The following LIMS1 variants were observed in gnomAD, a reference collection of about 807,000 sequenced individuals.
The protein encoded by LIMS1 is LIM and senescent cell antigen-like-containing domain protein 1.
LIMS1 carries 18 observed loss-of-function variants against 44.1 expected under a neutral mutation model. The ratio of observed to expected loss-of-function variants is 0.41; its 90% CI spans 0.28 to 0.61. The LOEUF is 0.61. Among genes scored for constraint, LIMS1 ranks in the 20% least tolerant of loss-of-function variants. The probability of loss-of-function intolerance (pLI) is 0.32; values close to 1 mark genes in which losing one functional copy is unlikely to be tolerated. For synonymous variants in LIMS1, 93 were observed against 149.1 expected (o/e 0.62, Z 2.74); for missense variants, 201 against 422.0 (o/e 0.48, Z 4.59).
At chr2:108,558,459 T>G (rs1403373264) in intron 1 of LIMS1, among the ~76,000 whole-genome samples, 2 of 152,008 alleles carry the variant, frequency 1.3e-5, no homozygotes, top group Non-Finnish European at 2.9e-5. Flanking sequence ...TCCGCCTGCC[T>G]CAGCCTCCCA....
intron 7 of LIMS1, 113 bp from the exon 8 acceptor site, chr2:108,677,866 A>G: frequency 6.7e-7 from 1 of 1,500,400 alleles, no homozygotes; most frequent in Non-Finnish European, 8.9e-7. Context: ...ACTTTTACTA[A>G]ATTTCTCTAG....
chr2:108,584,936 G>A (rs1276558432), intron 1 of LIMS1, among the ~76,000 whole-genome samples: 1 of 152,036 alleles, frequency 6.6e-6, no homozygotes, highest in Non-Finnish European at 1.5e-5. Context: ...CAGATCATTT[G>A]AGGTCAGGAG....
chr2:108,556,404 T>A (rs190713522), intron 1 of LIMS1, among the ~76,000 whole-genome samples: 1 of 152,354 alleles, frequency 6.6e-6, no homozygotes, highest in East Asian at 1.9e-4. Flanking sequence ...TTATGAACAC[T>A]TGAGTACTGT....
intron 1 of LIMS1, among the ~76,000 whole-genome samples, chr2:108,578,587 A>ATTTTTTTTTTTTTTTTTTTTT (rs575139291): frequency 2.0e-5 from 2 of 100,792 alleles, no homozygotes; most frequent in Non-Finnish European, 3.9e-5. Context: ...AATGTAAATA[A>ATTTTTTTTTTTTTTTTTTTTT]TTTTTTTTTT....
intron 1 of LIMS1, among the ~76,000 whole-genome samples, chr2:108,558,226 T>TC (rs1027086476): frequency 1.1e-4 from 17 of 151,924 alleles, no homozygotes; most frequent in African/African-American, 4.1e-4. Context: ...TTTTTTCTTT[T>TC]TTTTTTTTTG....
At chr2:108,631,138 T>G (rs1350965085) in intron 1 of LIMS1, among the ~76,000 whole-genome samples, 1 of 152,240 alleles carries the variant, frequency 6.6e-6, no homozygotes, top group Non-Finnish European at 1.5e-5. Context: ...AGCCTCTGGC[T>G]TAAAGAATGG....
At chr2:108,675,853 A>G in intron 5 of LIMS1, 25 bp from the exon 6 acceptor site, 1 of 1,613,866 alleles carries the variant, frequency 6.2e-7, no homozygotes, top group Non-Finnish European at 8.5e-7. Context: ...CTTAGTATTA[A>G]GCTGTGTGTC....
intron 1 of LIMS1, among the ~76,000 whole-genome samples, chr2:108,627,986 G>A (rs1285250896): frequency 6.6e-6 from 1 of 152,228 alleles, no homozygotes; most frequent in African/African-American, 2.4e-5. Flanking sequence ...GACACCAGAA[G>A]TCAGAAACCA....
chr2:108,637,099 A>ATGTGTGTGTGTG (rs74315160), intron 1 of LIMS1, among the ~76,000 whole-genome samples: 113 of 98,592 alleles, frequency 1.1e-3, no homozygotes, highest in Middle Eastern at 4.5e-3. Flanking sequence ...ATATACATAT[A>ATGTGTGTGTGTG]TGTGTGTGTG....
intron 2 of LIMS1, among the ~76,000 whole-genome samples, chr2:108,669,342 A>T (rs1692004604): frequency 6.6e-6 from 1 of 152,070 alleles, no homozygotes; most frequent in South Asian, 2.1e-4. Context: ...CAAGAGGCAG[A>T]GGTTACAGTG....
At chr2:108,631,807 G>A (rs1050983832) in intron 1 of LIMS1, among the ~76,000 whole-genome samples, 20 of 152,150 alleles carry the variant, frequency 1.3e-4, no homozygotes, top group African/African-American at 4.6e-4. Context: ...GCAGAGATCT[G>A]CCTGTTTTGT....
At chr2:108,660,695 A>T (rs1691299591) in intron 2 of LIMS1, 1 of 237,430 alleles carries the variant, frequency 4.2e-6, no homozygotes, top group Admixed American at 5.2e-5. Flanking sequence ...AAGTGCTAGG[A>T]TTACAGGTAT....
chr2:108,585,143 T>C lies in LIMS1; in HGVS notation c.32+50549T>C, dbSNP rs753014596. Among the ~76,000 whole-genome samples, 409 of 103,774 alleles carry C rather than the reference T, an allele frequency of 3.9e-3. 3 individuals are homozygous for C. The highest frequency in any genetic ancestry group is 5.3e-3 in the Non-Finnish European group (297 of 55,528). 68.1% of individuals were successfully genotyped at this position (103,774 alleles called of 152,430 possible). A position where few individuals can be genotyped will look rare whatever the true frequency, so the allele number is the denominator to read the frequency against. On this transcript the variant is annotated intron_variant, in intron 1 of 9. Coordinates refer to ENST00000544547, the Ensembl canonical transcript of LIMS1. ...ACCAGCCTGGGCAACAGAGCATGAC[T>C]CCGTCTCAAAAAAAAAAAAAAAAAA...
At chr2:108,544,329 T>C (rs1209967860) in intron 1 of LIMS1, among the ~76,000 whole-genome samples, 3 of 152,126 alleles carry the variant, frequency 2.0e-5, no homozygotes, top group Admixed American at 2.0e-4. Flanking sequence ...TGGCATGGGG[T>C]TCATGCTAAA....
At chr2:108,686,603 C>G (rs1215847920) in exon 10 of LIMS1, 1 of 151,200 alleles carries the variant, frequency 6.6e-6, no homozygotes, top group Non-Finnish European at 1.5e-5. Flanking sequence ...AACCCCGTCT[C>G]TACTAAAAAT....
chr2:108,627,699 A>G (rs895309047), intron 1 of LIMS1, among the ~76,000 whole-genome samples: 2 of 152,200 alleles, frequency 1.3e-5, no homozygotes, highest in African/African-American at 4.8e-5. Context: ...AGGAAACAGT[A>G]CTATTTATTC....
intron 1 of LIMS1, among the ~76,000 whole-genome samples, chr2:108,627,451 C>G (rs1344767044): frequency 7.0e-6 from 1 of 142,880 alleles, no homozygotes; most frequent in Non-Finnish European, 1.5e-5. Flanking sequence ...TAGGAACGAA[C>G]CGTCAACTTT....
intron 1 of LIMS1, among the ~76,000 whole-genome samples, chr2:108,624,577 T>A (rs1177846948): frequency 2.1e-5 from 3 of 143,854 alleles, no homozygotes; most frequent in Non-Finnish European, 4.6e-5. Context: ...GCCAACGTGG[T>A]GAAACCCCAT....
At chr2:108,577,953 G>A (rs766467779) in intron 1 of LIMS1, among the ~76,000 whole-genome samples, 2 of 152,084 alleles carry the variant, frequency 1.3e-5, no homozygotes, top group Admixed American at 6.6e-5. Flanking sequence ...TCTGTCGCCC[G>A]ATCTAGAGTG....
Sources: allele counts gnomAD v4.1 joint callset (sites outside exome capture counted in the v4.1 genomes callset), GRCh38; gene constraint gnomAD v4.1.1; transcripts MANE v1.5; gene names NCBI Gene and HGNC (gene_info 2026-07-23, HGNC 2026-07-21).